The following GNAL variants were observed in gnomAD, a reference collection of about 807,000 sequenced individuals.
GNAL encodes G protein subunit alpha L, also known as guanine nucleotide-binding protein G(olf) subunit alpha.
GNAL carries 18 observed loss-of-function variants against 55.1 expected under a neutral mutation model. The observed-to-expected ratio is 0.33, with a 90% confidence interval of 0.23 to 0.48. The LOEUF is 0.48. Among genes scored for constraint, GNAL ranks in the 20% least tolerant of loss-of-function variants. The pLI is 0.99. For missense variants in GNAL, 412 were observed against 614.1 expected, an observed-to-expected ratio of 0.67 and a Z score of 3.48; for synonymous variants, 253 against 237.0, an observed-to-expected ratio of 1.07 and a Z score of -0.62.
intron 1 of GNAL, among the ~76,000 whole-genome samples, chr18:11,744,559 C>T (rs1443321532): frequency 2.0e-5 from 3 of 152,122 alleles, no homozygotes; most frequent in South Asian, 2.1e-4. Flanking sequence ...TAAAATGTCC[C>T]GAAGGGACCC....
In GNAL at chr18:11,884,591, A is replaced by C. The variant is rs2036894097; in HGVS notation, c.*3456A>C. The stretch of plus-strand genomic sequence containing the variant: ...ACCACATCCTCACGTGGGAGGTAGC[A>C]CTTGGAGAGGGTGTAGTCTGTGGGC... On this transcript the variant is annotated 3_prime_UTR_variant, in exon 12 of 12. Coordinates refer to ENST00000334049, the MANE Select transcript of GNAL (RefSeq NM_182978.4). The C allele has an allele frequency of 6.2e-7, 1 of 1,613,808 alleles. No individual in the cohort carries two copies. Among genetic ancestry groups the C allele is most frequent in the Non-Finnish European group, 8.5e-7 (1 of 1,180,038 alleles).
chr18:11,716,392 C>T (rs1323123262), intron 1 of GNAL, among the ~76,000 whole-genome samples: 5 of 152,104 alleles, frequency 3.3e-5, no homozygotes, highest in Admixed American at 2.6e-4. Context: ...AGTGTTACAG[C>T]TAATAAAGGC....
At chr18:11,789,697 G>A (rs1402755552) in intron 4 of GNAL, among the ~76,000 whole-genome samples, 8 of 152,168 alleles carry the variant, frequency 5.3e-5, no homozygotes, top group Non-Finnish European at 1.2e-4. Flanking sequence ...CATCACCTCT[G>A]TCTTAGCATT....
At chr18:11,707,495 A>G (rs1884994293) in intron 1 of GNAL, among the ~76,000 whole-genome samples, 1 of 152,220 alleles carries the variant, frequency 6.6e-6, no homozygotes, top group African/African-American at 2.4e-5. Flanking sequence ...AAACAGATGT[A>G]CTGTCATCCA....
chr18:11,775,969 C>T (rs963422437), intron 4 of GNAL, among the ~76,000 whole-genome samples: 4 of 152,216 alleles, frequency 2.6e-5, no homozygotes, highest in African/African-American at 9.6e-5. Flanking sequence ...GATGTTTGCT[C>T]ACCTAGCGTT....
rs74883980 is a variant in GNAL, at chr18:11,748,444, C to T, written c.377-4409C>T. ...GGATTTAACCCAGTGCCAGCAATCA[C>T]TCCATAACTAGAAGCAGTTTTATAG... is the stretch of plus-strand genomic sequence containing the variant. On this transcript the variant is annotated intron_variant, in intron 1 of 11. Coordinates refer to ENST00000334049, the MANE Select transcript of GNAL (RefSeq NM_182978.4). Among the ~76,000 whole-genome samples the T allele has an allele frequency of 8.2e-3, 1,243 of 152,268 alleles. 16 individuals carry two copies. Among genetic ancestry groups the T allele is most frequent in the African/African-American group, 0.028 (1,182 of 41,536 alleles).
In GNAL at chr18:11,752,491, G is replaced by C. The variant is rs2032883254; in HGVS notation, c.377-362G>C. Reference sequence around the variant, plus strand: ...GGAAGACCAGGGCGTCGATGAAAAAGAACGACGCGAGGCCAACAAAAAGAT... The same window carrying C: ...GGAAGACCAGGGCGTCGATGAAAAACAACGACGCGAGGCCAACAAAAAGAT... On this transcript the variant is annotated intron_variant, in intron 1 of 11. Transcript: ENST00000334049. This position sits in a 1 kb window ranked among gnomAD's most constrained non-coding sequence, Gnocchi z 4.5. 1.2e-6 allele frequency: 2 copies of C among 1,612,572 alleles called. No individual in the cohort carries two copies.
At chr18:11,821,246 T>C (rs1472576525) in intron 4 of GNAL, among the ~76,000 whole-genome samples, 3 of 152,224 alleles carry the variant, frequency 2.0e-5, no homozygotes, top group Admixed American at 6.5e-5. Flanking sequence ...GTGGTTTTTC[T>C]AAAATAGTGG....
chr18:11,727,822 A>G (rs1471664759), intron 1 of GNAL, among the ~76,000 whole-genome samples: 1 of 152,236 alleles, frequency 6.6e-6, no homozygotes, highest in African/African-American at 2.4e-5. Context: ...CAGAAGTAAC[A>G]TTGATTAGTA....
chr18:11,753,596 A>AT (rs2032935852), intron 2 of GNAL, 32 bp from the exon 3 acceptor site: 1 of 1,367,836 alleles, frequency 7.3e-7, no homozygotes, highest in African/African-American at 1.4e-5. Context: ...CTAAGAGTAA[A>AT]TTAAGCTAAT....
At chr18:11,776,517 G>T (rs1322447607) in intron 4 of GNAL, among the ~76,000 whole-genome samples, 1 of 151,836 alleles carries the variant, frequency 6.6e-6, no homozygotes, top group Non-Finnish European at 1.5e-5. Context: ...GACCATCCCA[G>T]GCAACATAGC....
At chr18:11,821,956 G>T (rs1374380385) in intron 4 of GNAL, among the ~76,000 whole-genome samples, 1 of 152,266 alleles carries the variant, frequency 6.6e-6, no homozygotes, top group African/African-American at 2.4e-5. Context: ...CCAGGCCATG[G>T]CCGCCGCTCC....
intron 5 of GNAL, among the ~76,000 whole-genome samples, chr18:11,835,123 A>C (rs73407481): frequency 0.016 from 2,372 of 152,366 alleles, 60 homozygotes; most frequent in African/African-American, 0.055. Flanking sequence ...AAAACTCAGC[A>C]GATATACACT....
chr18:11,859,115 C>G (rs1165085151), intron 5 of GNAL, among the ~76,000 whole-genome samples: 7 of 152,234 alleles, frequency 4.6e-5, no homozygotes, highest in East Asian at 3.8e-4. Flanking sequence ...TTCCTAAACT[C>G]TAACTATAGC....
Position 11,884,815 on chromosome 18 carries a change from G to C in GNAL, c.*3680G>C. 2.2e-6 allele frequency: 3 copies of C among 1,393,148 alleles called. No homozygotes were observed. Among genetic ancestry groups the C allele is most frequent in the Middle Eastern group, 2.7e-4 (1 of 3,762 alleles). The allele number at this position is 1,393,148 out of a possible 1,614,324, so 86.3% of individuals were successfully genotyped here. On this transcript the variant is annotated 3_prime_UTR_variant, in exon 12 of 12. Coordinates refer to ENST00000334049, the MANE Select transcript of GNAL (RefSeq NM_182978.4). Reference sequence around the variant, plus strand: ...CACAGCTCACCCCCGACCAGCCCAGGCTCCAGCAGGAGAGACAAGTAAGGC... The same window carrying C: ...CACAGCTCACCCCCGACCAGCCCAGCCTCCAGCAGGAGAGACAAGTAAGGC...
At chr18:11,767,243 T>C (rs1215314293) in intron 4 of GNAL, among the ~76,000 whole-genome samples, 1 of 151,470 alleles carries the variant, frequency 6.6e-6, no homozygotes, top group Non-Finnish European at 1.5e-5. Flanking sequence ...ACCTGTTCTC[T>C]GTGCCCCCTT....
At chr18:11,747,086 G>C (rs559637269) in intron 1 of GNAL, 122 of 432,718 alleles carry the variant, frequency 2.8e-4, no homozygotes, top group African/African-American at 2.4e-3. Flanking sequence ...CTCTGAAGGA[G>C]CTCTATTTGT....
At chr18:11,869,451 G>C (rs1448246481) in intron 9 of GNAL, among the ~76,000 whole-genome samples, 3 of 152,170 alleles carry the variant, frequency 2.0e-5, no homozygotes, top group Non-Finnish European at 4.4e-5. Flanking sequence ...CCAATGTGGA[G>C]TATTCTTTGA....
At chr18:11,823,168 C>G (rs758513437) in intron 4 of GNAL, among the ~76,000 whole-genome samples, 1 of 151,966 alleles carries the variant, frequency 6.6e-6, no homozygotes, top group Non-Finnish European at 1.5e-5. Flanking sequence ...GTGACGTGTG[C>G]GTGTGTATGG....
Sources: allele counts gnomAD v4.1 joint callset (sites outside exome capture counted in the v4.1 genomes callset), GRCh38; gene constraint gnomAD v4.1.1; non-coding constraint Gnocchi (gnomAD v3.1); transcripts MANE v1.5; gene names NCBI Gene and HGNC (gene_info 2026-07-23, HGNC 2026-07-21).